The following MRPS31 variants were observed in gnomAD, a reference collection of about 807,000 sequenced individuals.
The protein encoded by MRPS31 is small ribosomal subunit protein mS31.
MRPS31 carries 32 observed loss-of-function variants against 43.1 expected under a neutral mutation model. The observed-to-expected ratio is 0.74, with a 90% CI of 0.56 to 1.00. MRPS31 has a LOEUF of 1.00. MRPS31 is among the 50% of genes least tolerant of loss of function. The pLI is 0.00. For missense variants in MRPS31, 437 were observed against 466.7 expected, an observed-to-expected ratio of 0.94 and a Z score of 0.59; for synonymous variants, 165 against 161.6, an observed-to-expected ratio of 1.02 and a Z score of -0.16.
chr13:40,756,701 T>C (rs1238386623), intron 4 of MRPS31, among the ~76,000 whole-genome samples, 172 bp downstream of exon 4: 11 of 152,324 alleles, frequency 7.2e-5, no homozygotes, highest in Non-Finnish European at 1.3e-4. Context: ...ATCCAGCACA[T>C]GGTTCCCTCT....
At chr13:40,749,394 T>C (rs1880327565) in intron 5 of MRPS31, 113 bp from the exon 6 acceptor site, 1 of 725,772 alleles carries the variant, frequency 1.4e-6, no homozygotes, top group Admixed American at 4.1e-5. Flanking sequence ...CATTCATAAT[T>C]AAATAGTATA....
chr13:40,766,639 T>C, intron 2 of MRPS31, 107 bp downstream of exon 2: 1 of 1,111,424 alleles, frequency 9.0e-7, no homozygotes, highest in South Asian at 1.7e-5. Context: ...TGATATTTAT[T>C]CTTCATTAAT....
chr13:40,736,257 GC>G (rs1318647955), intron 6 of MRPS31, among the ~76,000 whole-genome samples: 1 of 152,182 alleles, frequency 6.6e-6, no homozygotes, highest in African/African-American at 2.4e-5. Context: ...AACGAGCAAA[GC>G]CTCCAAGAAA....
intron 6 of MRPS31, among the ~76,000 whole-genome samples, chr13:40,736,391 G>C (rs1271752143): frequency 6.6e-6 from 1 of 150,660 alleles, no homozygotes; most frequent in Non-Finnish European, 1.5e-5. Context: ...ACCCAATCTA[G>C]CAAGGCAGGC....
At position 40,756,903 on chromosome 13, in the gene MRPS31, C is replaced by A. The variant is rs764730195; in HGVS notation, c.710G>T (p.Gly237Val). Residue 237 changes from glycine (G) to valine (V), a missense_variant, in exon 4 of 7, where the codon GGC (glycine) becomes GTC (valine). Coordinates refer to ENST00000323563, the MANE Select transcript of MRPS31 (RefSeq NM_005830.4). ...QFDEGYDNYP[G>V]QEKTDDLKKR... ...TTTAAGATCATCCGTCTTCTCCTGG[C>A]CAGGATAATTGTCATAGCCTTCATC... 1.2e-6 allele frequency: 2 copies of A among 1,613,806 alleles called. No individual in the cohort carries two copies. The highest frequency in any genetic ancestry group is 2.2e-5 in the East Asian group (1 of 44,850).
chr13:40,738,557 G>A (rs1052621581), intron 6 of MRPS31, among the ~76,000 whole-genome samples: 9 of 151,988 alleles, frequency 5.9e-5, no homozygotes, highest in South Asian at 4.2e-4. Flanking sequence ...CTGGCAAACC[G>A]AATCCAGCAG....
chr13:40,735,414 T>A (rs917604648), intron 6 of MRPS31, among the ~76,000 whole-genome samples: 5 of 152,300 alleles, frequency 3.3e-5, no homozygotes, highest in Admixed American at 3.3e-4. Context: ...AAGCTCGAAC[T>A]GGGTGGAGCC....
intron 6 of MRPS31, among the ~76,000 whole-genome samples, chr13:40,738,418 A>G (rs915649733): frequency 2.6e-5 from 4 of 152,010 alleles, no homozygotes; most frequent in African/African-American, 7.2e-5. Flanking sequence ...AAAAGAGGGA[A>G]TCCTCCCTAA....
At chr13:40,745,733 G>A (rs1419333329) in intron 6 of MRPS31, among the ~76,000 whole-genome samples, 1 of 151,916 alleles carries the variant, frequency 6.6e-6, no homozygotes, top group Non-Finnish European at 1.5e-5. Flanking sequence ...ATGTTTTTAT[G>A]TTGTATTAAA....
intron 6 of MRPS31, among the ~76,000 whole-genome samples, chr13:40,740,382 T>C (rs1389355411): frequency 8.7e-5 from 10 of 115,518 alleles, no homozygotes; most frequent in Admixed American, 7.1e-4. Context: ...GTGTGGCGAT[T>C]CCTCAGGGAT....
chr13:40,750,163 C>T (rs948441333), intron 5 of MRPS31, among the ~76,000 whole-genome samples: 16 of 152,122 alleles, frequency 1.1e-4, no homozygotes, highest in African/African-American at 3.6e-4. Context: ...AAATGTGATA[C>T]AGCCATGCAA....
chr13:40,767,524 C>A (rs1344600764), intron 1 of MRPS31, among the ~76,000 whole-genome samples: 7 of 152,202 alleles, frequency 4.6e-5, no homozygotes, highest in African/African-American at 1.4e-4. Context: ...GATAAGGAAA[C>A]TGAAAATCAG....
chr13:40,762,097 C>A (rs943794720), intron 2 of MRPS31, among the ~76,000 whole-genome samples: 36 of 150,464 alleles, frequency 2.4e-4, no homozygotes, highest in African/African-American at 7.5e-4. Context: ...AAAAAAAAAA[C>A]TAGCCAGATG....
chr13:40,754,947 T>C (rs1593449278), intron 4 of MRPS31, among the ~76,000 whole-genome samples: 1 of 152,288 alleles, frequency 6.6e-6, no homozygotes, highest in Admixed American at 6.5e-5. Context: ...GGCAGGAGAA[T>C]CCCTTGAACC....
chr13:40,736,087 G>T (rs1472691475), intron 6 of MRPS31, among the ~76,000 whole-genome samples: 2 of 146,802 alleles, frequency 1.4e-5, no homozygotes, highest in Non-Finnish European at 3.0e-5. Flanking sequence ...AGTGCTTAAA[G>T]GAGCTGATGG....
intron 6 of MRPS31, among the ~76,000 whole-genome samples, chr13:40,748,403 C>T (rs557430634): frequency 3.3e-5 from 5 of 152,344 alleles, no homozygotes; most frequent in South Asian, 4.1e-4. Context: ...GCGATCCGCC[C>T]GCCTCAGCCT....
At chr13:40,740,689 A>G (rs1166497829) in intron 6 of MRPS31, among the ~76,000 whole-genome samples, 2 of 143,694 alleles carry the variant, frequency 1.4e-5, no homozygotes, top group East Asian at 4.3e-4. Context: ...CGCAAGAACA[A>G]AAAACCAAAC....
At chr13:40,737,415 G>A (rs1204044155) in intron 6 of MRPS31, among the ~76,000 whole-genome samples, 1 of 151,970 alleles carries the variant, frequency 6.6e-6, no homozygotes, top group African/African-American at 2.4e-5. Flanking sequence ...ATTGAACTCA[G>A]CTCTGCACCA....
intron 2 of MRPS31, 73 bp downstream of exon 2, chr13:40,766,673 T>C (rs1880856438): frequency 4.4e-6 from 6 of 1,362,222 alleles, no homozygotes; most frequent in Middle Eastern, 2.2e-4. Context: ...AGTACTTGTA[T>C]TAAAAATATT....
Sources: gnomAD v4.1 joint callset for allele counts (sites outside exome capture counted in the v4.1 genomes callset) on GRCh38, gnomAD v4.1.1 for gene constraint, MANE v1.5 for transcripts, NCBI Gene and HGNC (gene_info 2026-07-23, HGNC 2026-07-21) for gene names.